PARD3: variants seen among roughly 807,000 people sequenced by gnomAD.
PARD3 encodes the protein partitioning defective 3 homolog.
PARD3 carries 75 observed loss-of-function variants against 155.4 expected under a neutral mutation model. That is an observed-to-expected ratio of 0.48 (90% CI 0.40 to 0.58). The LOEUF (loss-of-function observed/expected upper bound fraction) is 0.58, where lower values mean the gene tolerates loss of function less well. Ranked by LOEUF, PARD3 falls within the 20% of genes least tolerant of loss-of-function variation. The probability of loss-of-function intolerance (pLI) is 0.00; values close to 1 mark genes in which losing one functional copy is unlikely to be tolerated. For missense variants in PARD3, 1,642 were observed against 1,721.7 expected (o/e 0.95, Z 0.82); for synonymous variants, 576 against 610.5 (o/e 0.94, Z 0.83).
At chr10:34,340,835 A>G (rs1163968205) in intron 16 of PARD3, among the ~76,000 whole-genome samples, 1 of 152,188 alleles carries the variant, frequency 6.6e-6, no homozygotes, top group African/African-American at 2.4e-5. Context: ...AAGGAACAAC[A>G]CCATAACATT....
At chr10:34,182,641 C>T (rs1162788922) in intron 22 of PARD3, among the ~76,000 whole-genome samples, 2 of 151,634 alleles carry the variant, frequency 1.3e-5, no homozygotes, top group Non-Finnish European at 2.9e-5. Context: ...GTGATATCAG[C>T]CAAAAGATCA....
At chr10:34,155,788 A>G (rs1252832398) in intron 22 of PARD3, among the ~76,000 whole-genome samples, 3 of 151,992 alleles carry the variant, frequency 2.0e-5, no homozygotes, top group Non-Finnish European at 4.4e-5. Flanking sequence ...GTGAAGCAGT[A>G]CTGACCATGG....
At position 34,284,179 on chromosome 10, in the gene PARD3, A is replaced by G. The variant is rs758569034; in HGVS notation, c.3132T>C (p.Phe1044=). The change falls in exon 21 of 25, where the codon TTT becomes TTC. Residue 1044 remains phenylalanine (F), a synonymous_variant. Transcript: ENST00000374788. ...KTGKIKIQES[F]TSEEERIRMK... ...TTCGTATCCTCTCCTCTTCTGATGT[A>G]AAGGATTCCTGTATTTTTATTTTAC... is the stretch of plus-strand genomic sequence containing the variant. 3 of 1,610,256 alleles carry G rather than the reference A, an allele frequency of 1.9e-6. No individual in the cohort carries two copies. The highest frequency in any genetic ancestry group is 2.2e-5 in the East Asian group (1 of 44,612).
intron 22 of PARD3, among the ~76,000 whole-genome samples, chr10:34,211,489 T>C (rs976163654): frequency 2.0e-5 from 3 of 152,040 alleles, no homozygotes; most frequent in Non-Finnish European, 2.9e-5. Flanking sequence ...AAGTTCTAGT[T>C]AGAAAATGGA....
At chr10:34,785,935 C>G (rs971023344) in intron 1 of PARD3, among the ~76,000 whole-genome samples, 8 of 152,114 alleles carry the variant, frequency 5.3e-5, no homozygotes, top group African/African-American at 1.9e-4. Flanking sequence ...AATGTAGGAC[C>G]AGTTGATGTA....
At chr10:34,655,246 T>C (rs2093133561) in intron 2 of PARD3, among the ~76,000 whole-genome samples, 1 of 152,128 alleles carries the variant, frequency 6.6e-6, no homozygotes, top group South Asian at 2.1e-4. Flanking sequence ...GGAGTTCGAA[T>C]TGTATGCAAC....
intron 1 of PARD3, among the ~76,000 whole-genome samples, chr10:34,790,790 A>T (rs980286099): frequency 1.4e-4 from 21 of 152,218 alleles, no homozygotes; most frequent in African/African-American, 4.8e-4. Context: ...GCATTTCTTT[A>T]ATCTGTGAAG....
chr10:34,744,126 C>T (rs986284240), intron 1 of PARD3, among the ~76,000 whole-genome samples: 3 of 152,194 alleles, frequency 2.0e-5, no homozygotes, highest in African/African-American at 7.2e-5. Flanking sequence ...CGCTCCTCAC[C>T]GCCCATCTCC....
chr10:34,190,314 C>T (rs534236478), intron 22 of PARD3, among the ~76,000 whole-genome samples: 20 of 152,224 alleles, frequency 1.3e-4, no homozygotes, highest in African/African-American at 4.6e-4. Flanking sequence ...CTTCATAAGC[C>T]AGACACAAAG....
intron 2 of PARD3, among the ~76,000 whole-genome samples, chr10:34,547,699 C>A: frequency 6.6e-6 from 1 of 152,136 alleles, no homozygotes; most frequent in Non-Finnish European, 1.5e-5. Context: ...CATCTATTGA[C>A]CAAGTGGTGA....
At chr10:34,549,253 T>C (rs1244586677) in intron 2 of PARD3, among the ~76,000 whole-genome samples, 3 of 152,158 alleles carry the variant, frequency 2.0e-5, no homozygotes, top group Non-Finnish European at 4.4e-5. Flanking sequence ...CTTTAAAGAG[T>C]ACCCACAGTA....
At chr10:34,667,911 CA>C (rs1466787577) in intron 2 of PARD3, among the ~76,000 whole-genome samples, 3 of 152,134 alleles carry the variant, frequency 2.0e-5, no homozygotes, top group African/African-American at 7.2e-5. Flanking sequence ...TTTAATGTTC[CA>C]AAGTTACATA....
chr10:34,743,982 A>G (rs1415110129), intron 1 of PARD3, among the ~76,000 whole-genome samples: 2 of 152,158 alleles, frequency 1.3e-5, no homozygotes, highest in African/African-American at 4.8e-5. Context: ...GAGTAACAGC[A>G]TGTCTCGGCT....
chr10:34,366,110 C>T (rs192943425), intron 12 of PARD3, among the ~76,000 whole-genome samples: 1 of 152,224 alleles, frequency 6.6e-6, no homozygotes, highest in Admixed American at 6.5e-5. Context: ...CTCAAAAAAA[C>T]ACTGCATGGG....
At position 34,395,872 on chromosome 10, in the gene PARD3, A is replaced by T. The variant is rs1471584701; in HGVS notation, c.890+3458T>A. ...AAAAAAAAAAAAAAAAAAAAAGAAA[A>T]ACATCATCATGGGGAAGATAATATT... On this transcript the variant is annotated intron_variant, in intron 7 of 24. Transcript: ENST00000374788. Among the ~76,000 whole-genome samples, 2 of 151,696 alleles carry T rather than the reference A, an allele frequency of 1.3e-5. 1 individual carries two copies. The highest frequency in any genetic ancestry group is 2.9e-5 in the Non-Finnish European group (2 of 67,950).
At chr10:34,708,884 G>C (rs2094408109) in intron 1 of PARD3, among the ~76,000 whole-genome samples, 1 of 152,136 alleles carries the variant, frequency 6.6e-6, no homozygotes, top group African/African-American at 2.4e-5. Context: ...ATAATATTAG[G>C]AAATGATTCT....
At chr10:34,381,689 T>C (rs1841841695) in intron 9 of PARD3, among the ~76,000 whole-genome samples, 1 of 151,872 alleles carries the variant, frequency 6.6e-6, no homozygotes, top group Admixed American at 6.6e-5. Flanking sequence ...CCCAGCACTT[T>C]GGGAAGCCGA....
intron 16 of PARD3, among the ~76,000 whole-genome samples, chr10:34,338,682 G>A (rs140539654): frequency 7.9e-5 from 12 of 152,332 alleles, no homozygotes; most frequent in African/African-American, 2.6e-4. Context: ...GCGATTTACT[G>A]TGCATGAAAT....
intron 3 of PARD3, among the ~76,000 whole-genome samples, chr10:34,499,302 A>G (rs2080510584): frequency 6.6e-6 from 1 of 152,160 alleles, no homozygotes; most frequent in African/African-American, 2.4e-5. Context: ...TAAATTAAAA[A>G]CCAAATAGTT....
Sources: allele counts gnomAD v4.1 joint callset (sites outside exome capture counted in the v4.1 genomes callset), GRCh38; gene constraint gnomAD v4.1.1; transcripts MANE v1.5; gene names NCBI Gene and HGNC (gene_info 2026-07-23, HGNC 2026-07-21).